SLC8A1: variants seen among roughly 807,000 people sequenced by gnomAD.
SLC8A1 encodes sodium/calcium exchanger 1.
SLC8A1 carries 18 observed loss-of-function variants against 68.3 expected under a neutral mutation model. The ratio of observed to expected loss-of-function variants is 0.26; its 90% confidence interval spans 0.18 to 0.39. The LOEUF is 0.39. SLC8A1 is among the 10% of genes least tolerant of loss of function. The pLI, the probability that SLC8A1 is intolerant of heterozygous loss-of-function variation, is 1.00. For missense variants in SLC8A1, 985 were observed against 1,156.7 expected, an observed-to-expected ratio of 0.85 and a Z score of 2.15; for synonymous variants, 475 against 415.5, an observed-to-expected ratio of 1.14 and a Z score of -1.74.
At chr2:40,206,368 A>T (rs534605098) in intron 2 of SLC8A1, among the ~76,000 whole-genome samples, 3 of 152,174 alleles carry the variant, frequency 2.0e-5, no homozygotes, top group South Asian at 4.1e-4. Flanking sequence ...TGATCAAGCT[A>T]TTGTCACAAA....
At chr2:40,430,171 G>C (rs1300165896) in exon 2 of SLC8A1, 1 of 1,613,610 alleles carries the variant, frequency 6.2e-7, no homozygotes, top group Non-Finnish European at 8.5e-7. Context: ...TTCCATTTCT[G>C]TCTCAGCAAT....
At chr2:40,277,663 A>G (rs2066899531) in intron 2 of SLC8A1, among the ~76,000 whole-genome samples, 1 of 151,772 alleles carries the variant, frequency 6.6e-6, no homozygotes, top group African/African-American at 2.4e-5. Context: ...GAAATGTCAT[A>G]AACAGTCAAC....
chr2:40,358,072 G>T (rs1157775667), intron 2 of SLC8A1, among the ~76,000 whole-genome samples: 2 of 132,200 alleles, frequency 1.5e-5, no homozygotes, highest in Admixed American at 7.6e-5. Flanking sequence ...AAAAAAAAAA[G>T]GTGGCGGTGC....
chr2:40,350,773 T>C (rs1220641351), intron 2 of SLC8A1, among the ~76,000 whole-genome samples: 1 of 152,030 alleles, frequency 6.6e-6, no homozygotes, highest in Non-Finnish European at 1.5e-5. Context: ...CTATGGAGTA[T>C]AAGCTGCCAT....
At chr2:40,137,512 G>A (rs1409164295) in intron 7 of SLC8A1, among the ~76,000 whole-genome samples, 1 of 152,112 alleles carries the variant, frequency 6.6e-6, no homozygotes. Context: ...TTAAACCATA[G>A]GAAAAGTGGA....
At chr2:40,245,745 G>GA (rs1369348039) in intron 2 of SLC8A1, among the ~76,000 whole-genome samples, 1 of 151,592 alleles carries the variant, frequency 6.6e-6, no homozygotes, top group Non-Finnish European at 1.5e-5. Flanking sequence ...TGTATATTGT[G>GA]AAAAACACAT....
chr2:40,150,970 C>T (rs1381738240), intron 6 of SLC8A1, among the ~76,000 whole-genome samples: 1 of 152,088 alleles, frequency 6.6e-6, no homozygotes, highest in Non-Finnish European at 1.5e-5. Flanking sequence ...AGAATATCTC[C>T]CATAAATAGT....
At chr2:40,426,231 C>T (rs1371846185) in intron 2 of SLC8A1, among the ~76,000 whole-genome samples, 1 of 151,964 alleles carries the variant, frequency 6.6e-6, no homozygotes, top group Non-Finnish European at 1.5e-5. Context: ...TTTCACATTT[C>T]AATTAAGCAA....
intron 2 of SLC8A1, among the ~76,000 whole-genome samples, chr2:40,424,058 C>T (rs947218389): frequency 6.6e-6 from 1 of 151,856 alleles, no homozygotes; most frequent in Admixed American, 6.6e-5. Context: ...CCATCGTATG[C>T]TTTAAAGGTA....
At chr2:40,411,639 C>G (rs1236889321) in intron 2 of SLC8A1, among the ~76,000 whole-genome samples, 1 of 151,574 alleles carries the variant, frequency 6.6e-6, no homozygotes, top group Non-Finnish European at 1.5e-5. Context: ...ACAATAGGGG[C>G]CTCATTAAAT....
chr2:40,376,004 A>G (rs576630478), intron 2 of SLC8A1, among the ~76,000 whole-genome samples: 1 of 152,162 alleles, frequency 6.6e-6, no homozygotes, highest in African/African-American at 2.4e-5. Flanking sequence ...CTGTCTCAAA[A>G]TAAATAAATA....
intron 1 of SLC8A1, among the ~76,000 whole-genome samples, chr2:40,433,994 T>C (rs1698907760): frequency 6.6e-6 from 1 of 152,178 alleles, no homozygotes; most frequent in Admixed American, 6.5e-5. Flanking sequence ...TAGAGACAGC[T>C]GCCCTTCAAT....
intron 6 of SLC8A1, among the ~76,000 whole-genome samples, chr2:40,147,964 C>A (rs397487): frequency 0.051 from 7,690 of 152,186 alleles, 704 homozygotes; most frequent in African/African-American, 0.18. Flanking sequence ...AGGCTCACAC[C>A]ATTTAAATGA....
At chr2:40,297,948 C>T (rs756156056) in intron 2 of SLC8A1, among the ~76,000 whole-genome samples, 1 of 152,040 alleles carries the variant, frequency 6.6e-6, no homozygotes, top group Non-Finnish European at 1.5e-5. Flanking sequence ...GGTGCGATCT[C>T]GGCTCACTGC....
chr2:40,445,901 G>C (rs951609780), intron 1 of SLC8A1, among the ~76,000 whole-genome samples: 2 of 152,208 alleles, frequency 1.3e-5, no homozygotes, highest in Admixed American at 6.5e-5. Context: ...CCACAGTTGG[G>C]TCTCTAACAC....
intron 2 of SLC8A1, among the ~76,000 whole-genome samples, chr2:40,248,560 C>T (rs1344054348): frequency 6.6e-6 from 1 of 152,150 alleles, no homozygotes; most frequent in Non-Finnish European, 1.5e-5. Flanking sequence ...AAATACATTT[C>T]TGTTGTTATA....
At chr2:40,177,760 C>A in exon 3 of SLC8A1, 1 of 1,544,256 alleles carries the variant, frequency 6.5e-7, no homozygotes, top group East Asian at 2.4e-5. Context: ...ACCTTTCATT[C>A]CTCTTCTTAT....
intron 6 of SLC8A1, among the ~76,000 whole-genome samples, chr2:40,150,606 C>T (rs953840394): frequency 3.9e-5 from 6 of 152,164 alleles, no homozygotes; most frequent in African/African-American, 1.4e-4. Flanking sequence ...TGCTGCCACC[C>T]CAGACAAAAC....
At chr2:40,448,931 G>A (rs1474084291) in intron 1 of SLC8A1, among the ~76,000 whole-genome samples, 1 of 152,046 alleles carries the variant, frequency 6.6e-6, no homozygotes, top group Non-Finnish European at 1.5e-5. Flanking sequence ...ATGTTTACTT[G>A]AAAGCAACAT....
Sources: gnomAD v4.1 joint callset for allele counts (sites outside exome capture counted in the v4.1 genomes callset) on GRCh38, gnomAD v4.1.1 for gene constraint, MANE v1.5 for transcripts, NCBI Gene and HGNC (gene_info 2026-07-23, HGNC 2026-07-21) for gene names.